The following EPB41L3 variants were observed in gnomAD, a reference collection of about 807,000 sequenced individuals.
The protein encoded by EPB41L3 is erythrocyte membrane protein band 4.1 like 3.
In EPB41L3, 57 loss-of-function variants were observed where a neutral mutation model predicts 127.1. The ratio of observed to expected loss-of-function variants is 0.45; its 90% confidence interval spans 0.36 to 0.56. The LOEUF is 0.56. Ranked by LOEUF, EPB41L3 falls within the 20% of genes least tolerant of loss-of-function variation. The pLI, the probability that EPB41L3 is intolerant of heterozygous loss-of-function variation, is 0.00. For missense variants in EPB41L3, 1,273 were observed against 1,372.2 expected (o/e 0.93, Z 1.14); for synonymous variants, 572 against 549.5 (o/e 1.04, Z -0.57).
intron 2 of EPB41L3, among the ~76,000 whole-genome samples, chr18:5,487,960 G>A (rs2090046554): frequency 6.6e-6 from 1 of 152,040 alleles, no homozygotes; most frequent in African/African-American, 2.4e-5. Context: ...TGACATATAA[G>A]AGGCCAATCA....
chr18:5,503,139 T>A (rs983968349), intron 1 of EPB41L3, among the ~76,000 whole-genome samples: 5 of 152,214 alleles, frequency 3.3e-5, no homozygotes, highest in African/African-American at 1.2e-4. Flanking sequence ...AGTAGTCAAA[T>A]TATATTTATC....
Position 5,543,480 on chromosome 18 carries a change from C to G in EPB41L3, c.-12+433G>C, listed in dbSNP as rs2093804701. The G allele has an allele frequency of 6.8e-6, 1 of 147,128 alleles. No homozygotes were observed. Among genetic ancestry groups the G allele is most frequent in the African/African-American group, 2.4e-5 (1 of 40,926 alleles). 9.1% of individuals were successfully genotyped at this position (147,128 alleles called of 1,614,324 possible). ...CACCTCCCCGGGGGAGGGGCCGGCC[C>G]GCGCTCGCCCCCAGCCCGAGGGGCA... On this transcript the variant is annotated intron_variant, in intron 1 of 22. Transcript: ENST00000341928. This position sits in a 1 kb window ranked among gnomAD's most constrained non-coding sequence, Gnocchi z 5.2.
In EPB41L3 at chr18:5,398,119, G is replaced by A. The variant is rs2073887965; in HGVS notation, c.2374C>T (p.Leu792Phe). 2 of 1,613,970 alleles carry A rather than the reference G, an allele frequency of 1.2e-6. No individual in the cohort carries two copies. The highest frequency in any genetic ancestry group is 1.1e-5 in the South Asian group (1 of 91,084). ...CTGAAGATTTCAGAGCCATCCATGAGCTTTTCCCCAGAAGACTGCTTAGTC... is the reference window on the plus strand; with the variant it reads ...CTGAAGATTTCAGAGCCATCCATGAACTTTTCCCCAGAAGACTGCTTAGTC... ...EETKQSSGEK[L>F]MDGSEIFSLL... Residue 792 changes from leucine to phenylalanine, a missense_variant, in exon 17 of 23, where the codon CTC (leucine) becomes TTC (phenylalanine). Leu to Phe is a conservative substitution (Grantham distance 22). Around this residue, in one of 3 missense-constraint regions of EPB41L3, gnomAD observed 765 missense variants for 782.9 expected, o/e 0.98. Coordinates refer to ENST00000341928, the MANE Select transcript of EPB41L3 (RefSeq NM_012307.5).
intron 9 of EPB41L3, among the ~76,000 whole-genome samples, chr18:5,425,365 G>C (rs1439443616): frequency 6.6e-6 from 1 of 152,176 alleles, no homozygotes; most frequent in Non-Finnish European, 1.5e-5. Context: ...GGATGTTCAT[G>C]TGCAGTGGTG....
chr18:5,439,531 T>C (rs1188867891), intron 5 of EPB41L3, among the ~76,000 whole-genome samples: 1 of 152,214 alleles, frequency 6.6e-6, no homozygotes, highest in African/African-American at 2.4e-5. Context: ...AACACTACCA[T>C]TGACATCACA....
At chr18:5,396,445 T>C (rs2073486420) in intron 18 of EPB41L3, 113 bp from the exon 19 acceptor site, 2 of 1,261,156 alleles carry the variant, frequency 1.6e-6, no homozygotes, top group Admixed American at 2.1e-5. Context: ...TATAAATGTT[T>C]ATGTAGAGAG....
chr18:5,488,897 G>C (rs1409325728), intron 2 of EPB41L3, 104 bp downstream of exon 2: 21 of 1,259,356 alleles, frequency 1.7e-5, no homozygotes, highest in Non-Finnish European at 2.1e-5. Context: ...GGGAACAGCA[G>C]ATGACCCCTC....
chr18:5,428,281 C>T (rs2078507269), intron 9 of EPB41L3, 32 bp downstream of exon 9: 2 of 1,611,180 alleles, frequency 1.2e-6, no homozygotes, highest in Non-Finnish European at 1.7e-6. Context: ...GATCTTTCCT[C>T]CCAACGCACA....
chr18:5,491,471 C>A (rs2090586783), intron 1 of EPB41L3, among the ~76,000 whole-genome samples: 1 of 152,206 alleles, frequency 6.6e-6, no homozygotes, highest in Non-Finnish European at 1.5e-5. Flanking sequence ...AAATCCAGGA[C>A]CATCACCAAA....
At chr18:5,503,859 A>G (rs990628975) in intron 1 of EPB41L3, among the ~76,000 whole-genome samples, 1 of 152,214 alleles carries the variant, frequency 6.6e-6, no homozygotes, top group Non-Finnish European at 1.5e-5. Context: ...CTTAAGGTTA[A>G]TAAGATGCAC....
chr18:5,582,746 C>T (rs2094405273), intron 3 of EPB41L3, among the ~76,000 whole-genome samples: 1 of 152,174 alleles, frequency 6.6e-6, no homozygotes. Context: ...TATGACTGAG[C>T]TATAAGTAGA....
intron 3 of EPB41L3, among the ~76,000 whole-genome samples, chr18:5,580,377 A>G (rs1460135733): frequency 6.6e-6 from 1 of 152,176 alleles, no homozygotes; most frequent in Admixed American, 6.5e-5. Context: ...ACAGGTATAG[A>G]CACATACTCA....
intron 1 of EPB41L3, among the ~76,000 whole-genome samples, chr18:5,618,441 A>G (rs541504295): frequency 3.2e-4 from 48 of 152,370 alleles, no homozygotes; most frequent in African/African-American, 1.1e-3. Context: ...CATGGACTAA[A>G]GAAGGAGAAT....
chr18:5,619,372 T>A lies in EPB41L3; in HGVS notation c.-467-4949A>T, dbSNP rs146129356. Among the ~76,000 whole-genome samples the A allele has an allele frequency of 1.7e-3, 257 of 152,334 alleles. 6 individuals are homozygous for A. In the East Asian group the frequency reaches 0.038, roughly 23 times the overall value. ...TCTTTTCTTTTTTATGTTTTTTTTC[T>A]ATTATTAATCCTTTTCCTTAGTCTT... On this transcript the variant is annotated intron_variant, in intron 1 of 21. Coordinates refer to the EPB41L3 transcript ENST00000545076.
At chr18:5,600,557 A>C (rs1180742580) in intron 3 of EPB41L3, among the ~76,000 whole-genome samples, 1 of 152,282 alleles carries the variant, frequency 6.6e-6, no homozygotes, top group South Asian at 2.1e-4. Context: ...TTATTTTTTA[A>C]CCTAAAACTT....
chr18:5,489,423 G>C, intron 1 of EPB41L3: 1 of 504,184 alleles, frequency 2.0e-6, no homozygotes, highest in Non-Finnish European at 3.4e-6. Context: ...AAGTTGATCT[G>C]TAATGATCAC....
At chr18:5,552,002 A>G (rs946154167) in intron 3 of EPB41L3, among the ~76,000 whole-genome samples, 24 of 152,260 alleles carry the variant, frequency 1.6e-4, no homozygotes, top group African/African-American at 5.3e-4. Context: ...ACTAAAGCAC[A>G]TACTTAAATT....
rs142075448 is a variant in EPB41L3, at chr18:5,620,116, G to C, written c.-467-5693C>G. Among the ~76,000 whole-genome samples the C allele has an allele frequency of 1.9e-3, 293 of 151,352 alleles. 1 individual carries two copies. Among genetic ancestry groups the C allele is most frequent in the African/African-American group, 6.8e-3 (280 of 41,380 alleles). On this transcript the variant is annotated intron_variant, in intron 1 of 21. Coordinates refer to the EPB41L3 transcript ENST00000545076. ...CTAAGAAAACAATCATGAAGTGTAT[G>C]CTATGTTATCAAGTTTAAAAAAAAA...
At chr18:5,452,575 GC>G (rs975910769) in intron 3 of EPB41L3, among the ~76,000 whole-genome samples, 5 of 151,982 alleles carry the variant, frequency 3.3e-5, no homozygotes, top group African/African-American at 1.2e-4. Context: ...TTTCTATGCT[GC>G]CCCAGGCTTA....
Sources: gnomAD v4.1 joint callset for allele counts (sites outside exome capture counted in the v4.1 genomes callset) on GRCh38, gnomAD v4.1.1 for gene constraint, gnomAD v4.1.1 regional missense constraint, Gnocchi (gnomAD v3.1) non-coding constraint, MANE v1.5 for transcripts, NCBI Gene and HGNC (gene_info 2026-07-23, HGNC 2026-07-21) for gene names.